SLC25A21: variants seen among roughly 807,000 people sequenced by gnomAD.
SLC25A21 encodes solute carrier family 25 member 21.
Under a neutral mutation model 43.8 loss-of-function variants are expected in SLC25A21, and 47 were observed. That is an observed-to-expected ratio of 1.07 (90% CI 0.85 to 1.37). The LOEUF (loss-of-function observed/expected upper bound fraction) is 1.37. Among genes scored for constraint, SLC25A21 ranks in the 40% most tolerant of loss-of-function variants. The pLI is 0.00. For synonymous variants in SLC25A21, 131 were observed against 121.3 expected (o/e 1.08, Z -0.52); for missense variants, 352 against 350.2 (o/e 1.00, Z -0.04).
intron 1 of SLC25A21, among the ~76,000 whole-genome samples, chr14:36,993,510 C>T (rs17105878): frequency 0.049 from 7,469 of 152,152 alleles, 633 homozygotes; most frequent in African/African-American, 0.17. Flanking sequence ...ACAGGTGGTC[C>T]ACACTTTTTA....
chr14:37,009,337 T>A (rs1448898910), intron 1 of SLC25A21, among the ~76,000 whole-genome samples: 1 of 151,936 alleles, frequency 6.6e-6, no homozygotes, highest in African/African-American at 2.4e-5. Context: ...AATACAAAAA[T>A]TAGCTGGGTG....
intron 3 of SLC25A21, among the ~76,000 whole-genome samples, chr14:36,802,976 C>A (rs1328208948): frequency 6.6e-6 from 1 of 152,176 alleles, no homozygotes; most frequent in African/African-American, 2.4e-5. Context: ...GGATCAGGAA[C>A]CTGTGCATTG....
chr14:36,762,516 A>G (rs1335865064), intron 3 of SLC25A21, among the ~76,000 whole-genome samples: 1 of 152,236 alleles, frequency 6.6e-6, no homozygotes, highest in Non-Finnish European at 1.5e-5. Flanking sequence ...GTGTGACAGC[A>G]CAATCATGGG....
chr14:36,968,913 T>C (rs1594726397), intron 1 of SLC25A21, among the ~76,000 whole-genome samples: 1 of 152,190 alleles, frequency 6.6e-6, no homozygotes, highest in East Asian at 1.9e-4. Context: ...TGAAATACAG[T>C]ACAATCCCAA....
At chr14:37,120,937 A>G (rs1311066696) in intron 1 of SLC25A21, among the ~76,000 whole-genome samples, 1 of 152,130 alleles carries the variant, frequency 6.6e-6, no homozygotes, top group Non-Finnish European at 1.5e-5. Context: ...AAATTGAGAG[A>G]GCTGTTGTGG....
At chr14:36,984,013 A>G (rs887394818) in intron 1 of SLC25A21, among the ~76,000 whole-genome samples, 1 of 152,178 alleles carries the variant, frequency 6.6e-6, no homozygotes, top group Non-Finnish European at 1.5e-5. Context: ...TGAGGTTGAA[A>G]AATTACCTAT....
intron 6 of SLC25A21, among the ~76,000 whole-genome samples, chr14:36,721,412 G>A (rs938528230): frequency 2.6e-5 from 4 of 152,192 alleles, no homozygotes; most frequent in African/African-American, 7.2e-5. Context: ...TCCAGGTCTT[G>A]TGCTTCCAAC....
chr14:36,954,637 G>A (rs970390523), intron 1 of SLC25A21, among the ~76,000 whole-genome samples: 4 of 152,096 alleles, frequency 2.6e-5, no homozygotes, highest in Admixed American at 2.6e-4. Context: ...AAATAACAAT[G>A]TATTGTATTT....
intron 2 of SLC25A21, among the ~76,000 whole-genome samples, chr14:36,829,725 G>A (rs1245768392): frequency 1.3e-5 from 2 of 151,878 alleles, no homozygotes; most frequent in Non-Finnish European, 2.9e-5. Context: ...CTTAACCCAT[G>A]TCCAGGAGAT....
At chr14:36,722,284 G>A (rs1163979300) in intron 6 of SLC25A21, among the ~76,000 whole-genome samples, 1 of 152,158 alleles carries the variant, frequency 6.6e-6, no homozygotes, top group Non-Finnish European at 1.5e-5. Context: ...GTGGGGAGGG[G>A]AGGGATGAAT....
chr14:36,733,007 T>C (rs1372760833), intron 4 of SLC25A21, among the ~76,000 whole-genome samples: 1 of 152,188 alleles, frequency 6.6e-6, no homozygotes, highest in Non-Finnish European at 1.5e-5. Context: ...TTTTGGAAAA[T>C]AGGGACTGAC....
chr14:36,974,771 A>G (rs1416966458), intron 1 of SLC25A21, among the ~76,000 whole-genome samples: 1 of 152,208 alleles, frequency 6.6e-6, no homozygotes, highest in Admixed American at 6.5e-5. Flanking sequence ...AAGAACACTG[A>G]GTATAGTTTT....
intron 1 of SLC25A21, among the ~76,000 whole-genome samples, chr14:36,939,209 C>T (rs1566754768): frequency 1.3e-5 from 2 of 151,888 alleles, no homozygotes; most frequent in Admixed American, 6.6e-5. Flanking sequence ...TCGGACTCAT[C>T]CATGAAAAAA....
intron 1 of SLC25A21, among the ~76,000 whole-genome samples, chr14:36,924,754 CACTA>C (rs1315543611): frequency 6.6e-5 from 10 of 152,118 alleles, no homozygotes; most frequent in African/African-American, 1.2e-4. Context: ...ATAGTATTTA[CACTA>C]ACTATTTTCA....
At chr14:37,006,033 T>C (rs1340412821) in intron 1 of SLC25A21, among the ~76,000 whole-genome samples, 6 of 152,176 alleles carry the variant, frequency 3.9e-5, no homozygotes, top group Non-Finnish European at 5.9e-5. Flanking sequence ...AAAGATGGTA[T>C]TACAAATTTT....
chr14:36,709,376 AC>A (rs1222968892), intron 7 of SLC25A21, among the ~76,000 whole-genome samples: 2 of 152,202 alleles, frequency 1.3e-5, no homozygotes, highest in East Asian at 3.9e-4. Flanking sequence ...TCTGGGCCTT[AC>A]AAATTATTTA....
chr14:36,825,409 A>T (rs1390951469), intron 2 of SLC25A21, among the ~76,000 whole-genome samples: 1 of 152,238 alleles, frequency 6.6e-6, no homozygotes, highest in Non-Finnish European at 1.5e-5. Context: ...AAAATCACTT[A>T]GAATACTGGC....
chr14:36,802,151 G>C (rs977613800), intron 3 of SLC25A21, among the ~76,000 whole-genome samples: 1 of 152,050 alleles, frequency 6.6e-6, no homozygotes, highest in East Asian at 1.9e-4. Context: ...ATGATACCAT[G>C]GGTGTCGTAA....
At chr14:36,950,152 A>G (rs1258984985) in intron 1 of SLC25A21, among the ~76,000 whole-genome samples, 1 of 152,188 alleles carries the variant, frequency 6.6e-6, no homozygotes, top group Non-Finnish European at 1.5e-5. Context: ...ATTTGTCGCA[A>G]GGTACCTTTA....
Sources: allele counts gnomAD v4.1 joint callset (sites outside exome capture counted in the v4.1 genomes callset), GRCh38; gene constraint gnomAD v4.1.1; transcripts MANE v1.5; gene names NCBI Gene and HGNC (gene_info 2026-07-23, HGNC 2026-07-21).